DBT: variants seen among roughly 807,000 people sequenced by gnomAD.
DBT encodes the protein dihydrolipoamide branched chain transacylase E2, also known as lipoamide acyltransferase component of branched-chain alpha-keto acid dehydrogenase complex, mitochondrial.
A neutral mutation model predicts 51.3 loss-of-function variants in DBT; 40 were observed. The ratio of observed to expected loss-of-function variants is 0.78; its 90% CI spans 0.61 to 1.02. The LOEUF is 1.02. Among genes scored for constraint, DBT ranks in the 50% least tolerant of loss-of-function variants. DBT has a pLI of 0.00. For synonymous variants in DBT, 181 were observed against 190.4 expected, an observed-to-expected ratio of 0.95 and a Z score of 0.41; for missense variants, 510 against 580.2, an observed-to-expected ratio of 0.88 and a Z score of 1.24.
At position 100,240,752 on chromosome 1, in the gene DBT, C is replaced by T. The variant is rs779334816; in HGVS notation, c.175+9G>A. On this transcript the variant is annotated intron_variant, in intron 2 of 10. Coordinates refer to ENST00000370132, the MANE Select transcript of DBT (RefSeq NM_001918.5). ...TATTTTATACACGTTATTTTGAAAT[C>T]ATACTTACCAGCAGTTGTTTTCAGG... 10 of 1,589,802 alleles carry T rather than the reference C, an allele frequency of 6.3e-6. No homozygotes were observed. The highest frequency in any genetic ancestry group is 7.8e-6 in the Non-Finnish European group (9 of 1,159,562).
intron 5 of DBT, among the ~76,000 whole-genome samples, chr1:100,218,166 T>C (rs570528607): frequency 2.0e-5 from 3 of 152,326 alleles, no homozygotes; most frequent in African/African-American, 7.2e-5. Context: ...CCAGAGTCTT[T>C]CTTTTTTTAC....
Position 100,238,106 on chromosome 1 carries a change from CCCT to C in DBT, c.176-2598_176-2596del, listed in dbSNP as rs201341109. Among the ~76,000 whole-genome samples the C allele has an allele frequency of 5.7e-3, 860 of 151,630 alleles. 8 individuals carry two copies. The highest frequency in any genetic ancestry group is 0.019 in the African/African-American group (783 of 41,328). On this transcript the variant is annotated intron_variant, in intron 2 of 10. Coordinates refer to ENST00000370132, the MANE Select transcript of DBT (RefSeq NM_001918.5). The stretch of plus-strand genomic sequence containing the variant: ...TTCTAGCTTTCCTTCCTCCCTCCCT[CCCT>C]CAAGATGACTCTAGGTTTCCTTCCT...
At chr1:100,217,053 A>C (rs2100801512) in intron 5 of DBT, among the ~76,000 whole-genome samples, 1 of 152,314 alleles carries the variant, frequency 6.6e-6, no homozygotes, top group African/African-American at 2.4e-5. Flanking sequence ...GTTACAAACA[A>C]CTGTAAATGC....
In DBT at chr1:100,230,725, T is replaced by C; in HGVS notation, c.433+8A>G. On this transcript the variant is annotated splice_region_variant and intron_variant, in intron 4 of 10. Coordinates refer to ENST00000370132, the MANE Select transcript of DBT (RefSeq NM_001918.5). ...ATTTGGTAAAATAGATTAACAGACT[T>C]ACAATACCTTTTAAAGCTTCCGTTT... is the stretch of plus-strand genomic sequence containing the variant. 1 of 1,586,400 alleles carries C rather than the reference T, an allele frequency of 6.3e-7. No homozygotes were observed. The highest frequency in any genetic ancestry group is 8.6e-7 in the Non-Finnish European group (1 of 1,157,336).
intron 4 of DBT, among the ~76,000 whole-genome samples, chr1:100,226,339 A>G (rs903614346): frequency 7.5e-6 from 1 of 134,176 alleles, no homozygotes; most frequent in Middle Eastern, 4.9e-3. Flanking sequence ...GCTAGAGTGC[A>G]GTGGCATTAA....
At chr1:100,220,772 C>G (rs1662807301) in intron 4 of DBT, among the ~76,000 whole-genome samples, 1 of 152,228 alleles carries the variant, frequency 6.6e-6, no homozygotes, top group Admixed American at 6.5e-5. Flanking sequence ...CTAGGGCTGA[C>G]TCAATCTGTG....
At position 100,216,168 on chromosome 1, in the gene DBT, T is replaced by C; in HGVS notation, c.587A>G (p.Lys196Arg). Residue 196 changes from lysine (K) to arginine (R), a missense_variant, in exon 6 of 11, where the codon AAA becomes AGA. By Grantham distance (26) the Lys-to-Arg change is conservative (BLOSUM62 2). Coordinates refer to ENST00000370132, the MANE Select transcript of DBT (RefSeq NM_001918.5). The stretch of plus-strand genomic sequence containing the variant: ...ATCTTCTTTAAGTATTCTGCCATCT[T>C]TTCCTGAGCCAACAACTTCACTCAG... The part of the protein sequence containing the change: ...IKLSEVVGSG[K>R]DGRILKEDIL... 6.2e-7 allele frequency: 1 copy of C among 1,613,924 alleles called. No individual in the cohort carries two copies. Among genetic ancestry groups the C allele is most frequent in the Non-Finnish European group, 8.5e-7 (1 of 1,179,834 alleles).
At chr1:100,244,192 A>G (rs1294343646) in intron 1 of DBT, among the ~76,000 whole-genome samples, 1 of 152,128 alleles carries the variant, frequency 6.6e-6, no homozygotes, top group East Asian at 1.9e-4. Flanking sequence ...AGCATACATA[A>G]TAAAAGAGCA....
At chr1:100,217,231 T>C (rs1662546981) in intron 5 of DBT, among the ~76,000 whole-genome samples, 1 of 152,158 alleles carries the variant, frequency 6.6e-6, no homozygotes. Context: ...AGCCAAATCA[T>C]ACATTTCTTC....
intron 1 of DBT, among the ~76,000 whole-genome samples, chr1:100,248,499 T>A (rs374739750): frequency 7.9e-5 from 12 of 152,310 alleles, no homozygotes; most frequent in African/African-American, 2.9e-4. Flanking sequence ...ACTTTAGGAC[T>A]CATCAGCATA....
chr1:100,249,682 G>A (rs1250141209), intron 1 of DBT, 88 bp downstream of exon 1: 1 of 1,305,852 alleles, frequency 7.7e-7, no homozygotes, highest in East Asian at 2.3e-5. Flanking sequence ...TGGACGCCTG[G>A]CACCGGAGGA....
intron 7 of DBT, chr1:100,213,502 C>T: frequency 6.5e-7 from 1 of 1,544,486 alleles, no homozygotes; most frequent in South Asian, 1.1e-5. Flanking sequence ...ATCCTACCAA[C>T]TCTATCGTGG....
intron 1 of DBT, among the ~76,000 whole-genome samples, chr1:100,248,203 C>T (rs1014472111): frequency 7.0e-4 from 107 of 152,074 alleles, no homozygotes; most frequent in Admixed American, 6.6e-5. Context: ...CCTCCTCTTC[C>T]ACCTTCCTGC....
intron 10 of DBT, among the ~76,000 whole-genome samples, chr1:100,198,721 T>C (rs1235124126): frequency 6.6e-6 from 1 of 152,136 alleles, no homozygotes; most frequent in Non-Finnish European, 1.5e-5. Context: ...ACATACTGTG[T>C]CTTTTTGTTT....
chr1:100,249,239 A>C, intron 1 of DBT: 2 of 254,990 alleles, frequency 7.8e-6, no homozygotes, highest in Non-Finnish European at 1.3e-5. Context: ...TTGGTGACAA[A>C]AGGGTAGGAA....
intron 4 of DBT, among the ~76,000 whole-genome samples, chr1:100,225,052 T>TATATATACAC (rs1185819980): frequency 8.1e-4 from 64 of 79,048 alleles, no homozygotes; most frequent in African/African-American, 3.2e-3. Context: ...AATATATATA[T>TATATATACAC]ACACACACAC....
At chr1:100,210,559 A>G (rs1662076202) in intron 8 of DBT, 135 bp downstream of exon 8, 1 of 1,195,586 alleles carries the variant, frequency 8.4e-7, no homozygotes, top group Middle Eastern at 2.5e-4. Context: ...ACTTAAGTTT[A>G]ATGTTTTACC....
rs1662463970 is a variant in DBT at position 100,216,056 on chromosome 1, T to G, written c.699A>C (p.Lys233Asn). Residue 233 changes from lysine (K) to asparagine (N), a missense_variant, in exon 6 of 11, where the codon AAA (lysine) becomes AAC (asparagine). Physicochemically the swap from Lys to Asn is moderately conservative, Grantham distance 94 (BLOSUM62 0). Coordinates refer to ENST00000370132, the MANE Select transcript of DBT (RefSeq NM_001918.5). ...VEIMPPPPKP[K>N]DMTVPILVSK... ...ATACTAGTATAGGAACAGTCATGTCTTTTGGCTTTGGTGGAGGTGGCATAA... is the reference window on the plus strand; with the variant it reads ...ATACTAGTATAGGAACAGTCATGTCGTTTGGCTTTGGTGGAGGTGGCATAA... 2.5e-6 allele frequency: 4 copies of G among 1,613,716 alleles called. No homozygotes were observed. In the Admixed American group the frequency reaches 6.7e-5, roughly 27 times the overall value.
At chr1:100,220,464 T>C (rs1486226779) in intron 4 of DBT, among the ~76,000 whole-genome samples, 1 of 152,194 alleles carries the variant, frequency 6.6e-6, no homozygotes, top group Non-Finnish European at 1.5e-5. Flanking sequence ...CTTCTACTAC[T>C]GCAACCGTGA....
Sources: allele counts gnomAD v4.1 joint callset (sites outside exome capture counted in the v4.1 genomes callset), GRCh38; gene constraint gnomAD v4.1.1; transcripts MANE v1.5; gene names NCBI Gene and HGNC (gene_info 2026-07-23, HGNC 2026-07-21).